Variants in CPSF2 observed in about 807,000 individuals in gnomAD.
CPSF2 encodes the protein cleavage and polyadenylation specific factor 2.
Under a neutral mutation model 84.2 loss-of-function variants are expected in CPSF2, and 51 were observed. The observed-to-expected ratio is 0.61, with a 90% CI of 0.48 to 0.77. CPSF2 has a LOEUF of 0.77. CPSF2 is among the 30% of genes least tolerant of loss of function. The pLI is 0.00. For missense variants in CPSF2, 641 were observed against 929.4 expected (o/e 0.69, Z 4.03); for synonymous variants, 286 against 311.9 (o/e 0.92, Z 0.87).
intron 5 of CPSF2, among the ~76,000 whole-genome samples, 162 bp from the exon 6 acceptor site, chr14:92,135,205 G>A (rs1006923857): frequency 6.6e-6 from 1 of 152,076 alleles, no homozygotes; most frequent in Non-Finnish European, 1.5e-5. Flanking sequence ...AGTAGGTGGG[G>A]GACAGGAGAG....
At chr14:92,127,591 T>A (rs1381297871) in intron 2 of CPSF2, among the ~76,000 whole-genome samples, 1 of 152,190 alleles carries the variant, frequency 6.6e-6, no homozygotes, top group East Asian at 1.9e-4. Flanking sequence ...ATGTAGTGGT[T>A]GTTGGGGGTT....
intron 14 of CPSF2, among the ~76,000 whole-genome samples, chr14:92,160,289 T>C (rs1398464812): frequency 6.6e-6 from 1 of 152,234 alleles, no homozygotes; most frequent in East Asian, 1.9e-4. Flanking sequence ...TTTTTTTATG[T>C]TATTCAGTTC....
At chr14:92,158,304 C>T (rs1047154909) in intron 13 of CPSF2, among the ~76,000 whole-genome samples, 2 of 151,938 alleles carry the variant, frequency 1.3e-5, no homozygotes, top group South Asian at 2.1e-4. Flanking sequence ...GAAGAATTCC[C>T]GGATATCAAG....
rs2068772949 is a variant in CPSF2 at position 92,121,988 on chromosome 14, A to G, written c.-234A>G. On this transcript the variant is annotated 5_prime_UTR_variant, in exon 1 of 16. The change abolishes an upstream ATG in the 5' untranslated region. Transcript: ENST00000298875. ...TCCGCCGCTAGTCTCCAGCTCCAAA[A>G]TGGCGGCTGCCACTGTGGGGCTTCT... The G allele has an allele frequency of 8.4e-6, 6 of 715,062 alleles. No individual in the cohort carries two copies. Among genetic ancestry groups the G allele is most frequent in the Non-Finnish European group, 1.2e-5 (5 of 432,538 alleles). The allele number at this position is 715,062 out of a possible 1,614,324, so 44.3% of individuals were successfully genotyped here.
At chr14:92,135,760 G>A (rs951618556) in intron 6 of CPSF2, among the ~76,000 whole-genome samples, 2 of 152,304 alleles carry the variant, frequency 1.3e-5, no homozygotes, top group Non-Finnish European at 2.9e-5. Context: ...CAAAGGAGAT[G>A]AATTTTTTAC....
At chr14:92,131,716 A>G (rs1039224296) in intron 3 of CPSF2, among the ~76,000 whole-genome samples, 6 of 151,916 alleles carry the variant, frequency 3.9e-5, no homozygotes, top group Non-Finnish European at 7.4e-5. Flanking sequence ...GTGTGCACCT[A>G]TAATCCCAGC....
chr14:92,151,413 A>G (rs1442897035), intron 9 of CPSF2, among the ~76,000 whole-genome samples: 3 of 151,050 alleles, frequency 2.0e-5, no homozygotes, highest in African/African-American at 7.3e-5. Context: ...AAAACAAAAC[A>G]AAAAACAAGA....
rs1183790053 is a variant in CPSF2 at position 92,171,805 on chromosome 14, C to T, written c.*10061C>T. On this transcript the variant is annotated 3_prime_UTR_variant, in exon 16 of 16. Coordinates refer to ENST00000298875, the MANE Select transcript of CPSF2 (RefSeq NM_017437.3). ...ACTCCACAGAGTTTATTCTAGTCTT[C>T]TCCCTTTCCACAATTGTATCTTCTC... 3.3e-5 allele frequency: 5 copies of T among 152,184 alleles called. No individual in the cohort carries two copies. Among genetic ancestry groups the T allele is most frequent in the Admixed American group, 3.3e-4 (5 of 15,272 alleles). The allele number at this position is 152,184 out of a possible 1,614,324, so 9.4% of individuals were successfully genotyped here.
intron 3 of CPSF2, among the ~76,000 whole-genome samples, chr14:92,132,072 C>G (rs989191975): frequency 6.6e-6 from 1 of 152,102 alleles, no homozygotes; most frequent in African/African-American, 2.4e-5. Flanking sequence ...GGACAAAAAT[C>G]CATTATAAGT....
Position 92,156,161 on chromosome 14 carries a change from G to C in CPSF2, c.1443-318G>C, listed in dbSNP as rs1326310855. Among the ~76,000 whole-genome samples, 7 of 152,056 alleles carry C rather than the reference G, an allele frequency of 4.6e-5. No homozygotes were observed. The East Asian group carries it at 1.2e-3, about 25-fold the overall frequency. On this transcript the variant is annotated intron_variant, in intron 11 of 15. Transcript: ENST00000298875. ...AAAAATTAGCCGGGCGTGATGGCAG[G>C]CACCTGTAATCCTAGCTACTCTGGG...
intron 14 of CPSF2, among the ~76,000 whole-genome samples, chr14:92,160,651 A>G (rs1054592120): frequency 1.2e-4 from 18 of 152,244 alleles, no homozygotes; most frequent in Middle Eastern, 3.2e-3. Flanking sequence ...TTCGTTACTG[A>G]TTGTAGAACC....
rs2068775283 is a variant in CPSF2 at position 92,122,054 on chromosome 14, T to C, written c.-168T>C. On this transcript the variant is annotated 5_prime_UTR_variant, in exon 1 of 16. Transcript: ENST00000298875. The stretch of plus-strand genomic sequence containing the variant: ...CTGGCGCTGCTGACCCAGCATCGGC[T>C]TTTCTACGTCTTGAACCTGGATTCG... The C allele has an allele frequency of 7.2e-6, 4 of 555,148 alleles. No homozygotes were observed. In the South Asian group the frequency reaches 8.0e-5, roughly 11 times the overall value. The allele number at this position is 555,148 out of a possible 1,614,324, so 34.4% of individuals were successfully genotyped here.
chr14:92,132,948 A>G (rs1410312918), intron 3 of CPSF2, among the ~76,000 whole-genome samples: 1 of 151,686 alleles, frequency 6.6e-6, no homozygotes. Flanking sequence ...AAAATTAGCC[A>G]GGTGTGGTGG....
At position 92,157,463 on chromosome 14, in the gene CPSF2, T is replaced by C. The variant is rs2069304666; in HGVS notation, c.1596-196T>C. ...TAGAGGTTGCAATGAGCGAAGATCATGCTACTGCACTCTAGCCTGGGCAAA... is the reference window on the plus strand; with the variant it reads ...TAGAGGTTGCAATGAGCGAAGATCACGCTACTGCACTCTAGCCTGGGCAAA... On this transcript the variant is annotated intron_variant, in intron 12 of 15. Transcript: ENST00000298875. This position sits in a 1 kb window ranked among gnomAD's most constrained non-coding sequence, Gnocchi z 4.0. Among the ~76,000 whole-genome samples, 1 of 152,144 alleles carries C rather than the reference T, an allele frequency of 6.6e-6. No homozygotes were observed. Among genetic ancestry groups the C allele is most frequent in the South Asian group, 2.1e-4 (1 of 4,834 alleles).
intron 10 of CPSF2, 86 bp from the exon 11 acceptor site, chr14:92,155,037 G>A (rs2069270537): frequency 2.3e-6 from 2 of 853,270 alleles, no homozygotes; most frequent in Admixed American, 2.4e-5. Context: ...ATAATATTGA[G>A]TATGGATTCA....
At chr14:92,137,820 GA>G (rs1288856717) in intron 6 of CPSF2, among the ~76,000 whole-genome samples, 1 of 152,050 alleles carries the variant, frequency 6.6e-6, no homozygotes, top group Non-Finnish European at 1.5e-5. Flanking sequence ...ATTTAGTTTA[GA>G]AAAAAATTTT....
intron 3 of CPSF2, among the ~76,000 whole-genome samples, chr14:92,133,240 A>G (rs1321419298): frequency 6.6e-6 from 1 of 151,810 alleles, no homozygotes; most frequent in Non-Finnish European, 1.5e-5. Flanking sequence ...ACCAACATAG[A>G]GAAACCCCAT....
chr14:92,131,755 C>A (rs554607689), intron 3 of CPSF2, among the ~76,000 whole-genome samples: 1 of 152,024 alleles, frequency 6.6e-6, no homozygotes, highest in Admixed American at 6.6e-5. Context: ...AGGAGAATTG[C>A]TTGAACCCAG....
rs1168902729 is a variant in CPSF2 at position 92,135,492 on chromosome 14, G to A, written c.541G>A (p.Glu181Lys). The A allele has an allele frequency of 3.7e-6, 6 of 1,612,694 alleles. No individual in the cohort carries two copies. The highest frequency in any genetic ancestry group is 5.1e-6 in the Non-Finnish European group (6 of 1,179,386). The stretch of plus-strand genomic sequence containing the variant: ...TGCAGTTGACTTCAACCACAAGAGG[G>A]AGATGTAGGTATATCAAGAGAAAAG... ...VYAVDFNHKR[E>K]IHLNGCSLEM... Residue 181 changes from glutamate to lysine, a missense_variant, in exon 6 of 16, where the codon GAG (glutamate) becomes AAG (lysine). This residue lies in a region of CPSF2 where 211 missense variants were observed against 375.7 expected (regional missense o/e 0.56). Coordinates refer to ENST00000298875, the MANE Select transcript of CPSF2 (RefSeq NM_017437.3).
Sources: allele counts gnomAD v4.1 joint callset (sites outside exome capture counted in the v4.1 genomes callset), GRCh38; gene constraint gnomAD v4.1.1; regional missense constraint gnomAD v4.1.1; non-coding constraint Gnocchi (gnomAD v3.1); transcripts MANE v1.5; gene names NCBI Gene and HGNC (gene_info 2026-07-23, HGNC 2026-07-21).